Variants in AQR observed in about 807,000 individuals in gnomAD.
AQR encodes RNA helicase aquarius.
A neutral mutation model predicts 180.5 loss-of-function variants in AQR; 61 were observed. The ratio of observed to expected loss-of-function variants is 0.34; its 90% CI spans 0.28 to 0.42. The LOEUF (loss-of-function observed/expected upper bound fraction) is 0.42. Ranked by LOEUF, AQR falls within the 10% of genes least tolerant of loss-of-function variation. The pLI is 1.00. For synonymous variants in AQR, 551 were observed against 588.8 expected (o/e 0.94, Z 0.93); for missense variants, 1,281 against 1,798.3 (o/e 0.71, Z 5.20).
At chr15:34,915,803 G>A (rs574837498) in intron 15 of AQR, among the ~76,000 whole-genome samples, 75 of 152,032 alleles carry the variant, frequency 4.9e-4, no homozygotes, top group African/African-American at 1.7e-3. Flanking sequence ...AATATTAGCT[G>A]GGTGTCATGG....
intron 9 of AQR, among the ~76,000 whole-genome samples, chr15:34,935,926 T>C (rs953502347): frequency 6.6e-6 from 1 of 152,204 alleles, no homozygotes; most frequent in Non-Finnish European, 1.5e-5. Context: ...TTTCCCAAAC[T>C]AAAAGAGTGA....
At chr15:34,945,393 C>A (rs1407071573) in intron 5 of AQR, among the ~76,000 whole-genome samples, 1 of 152,136 alleles carries the variant, frequency 6.6e-6, no homozygotes, top group Admixed American at 6.6e-5. Flanking sequence ...GAAAATAACA[C>A]CCTTTCCTAA....
At chr15:34,889,953 G>C (rs1220642262) in intron 24 of AQR, among the ~76,000 whole-genome samples, 1 of 152,040 alleles carries the variant, frequency 6.6e-6, no homozygotes, top group Non-Finnish European at 1.5e-5. Flanking sequence ...AAAGCAAAAG[G>C]CAATCTGTTA....
Position 34,856,881 on chromosome 15 carries a change from T to C in AQR, c.4369A>G (p.Thr1457Ala). The C allele has an allele frequency of 6.2e-7, 1 of 1,613,816 alleles. No homozygotes were observed. Among genetic ancestry groups the C allele is most frequent in the South Asian group, 1.1e-5 (1 of 91,022 alleles). ...TPEAIPALSE[T>A]TPTVVGAVSA... Reference sequence around the variant, plus strand: ...ACAGCTCCTACCACAGTAGGGGTGGTCTCAGATAAAGCAGGGATGGCTTCT... The same window carrying C: ...ACAGCTCCTACCACAGTAGGGGTGGCCTCAGATAAAGCAGGGATGGCTTCT... The change falls in exon 35 of 35, where the codon ACC becomes GCC. Residue 1457 changes from threonine to alanine, a missense_variant. Thr to Ala is a moderately conservative substitution (Grantham distance 58). Coordinates refer to ENST00000156471, the MANE Select transcript of AQR (RefSeq NM_014691.3).
Position 34,920,229 on chromosome 15 carries a change from A to G in AQR, c.1221+103T>C. The G allele has an allele frequency of 1.5e-5, 11 of 726,462 alleles. No homozygotes were observed. The South Asian group carries it at 2.1e-4, about 14-fold the overall frequency. The allele number at this position is 726,462 out of a possible 1,614,324, so 45.0% of individuals were successfully genotyped here. A position where few individuals can be genotyped will look rare whatever the true frequency, so the allele number is the denominator to read the frequency against. ...AAAACAAAATGGGAATTATCTGCCT[A>G]ATCTTTGGCCCACAAAAAAATCTAT... On this transcript the variant is annotated intron_variant, in intron 14 of 34. Coordinates refer to ENST00000156471, the MANE Select transcript of AQR (RefSeq NM_014691.3).
intron 19 of AQR, among the ~76,000 whole-genome samples, chr15:34,904,130 C>A (rs185033012): frequency 2.6e-5 from 4 of 151,782 alleles, no homozygotes; most frequent in African/African-American, 9.7e-5. Flanking sequence ...CCTCAAAAGA[C>A]AAAATAGATT....
chr15:34,923,640 T>C (rs1056244333), intron 13 of AQR, among the ~76,000 whole-genome samples: 2 of 152,214 alleles, frequency 1.3e-5, no homozygotes, highest in Non-Finnish European at 2.9e-5. Flanking sequence ...ATGTTCATAC[T>C]TTGCATATAG....
intron 5 of AQR, among the ~76,000 whole-genome samples, chr15:34,944,844 T>C (rs1463349199): frequency 6.6e-6 from 1 of 152,230 alleles, no homozygotes; most frequent in African/African-American, 2.4e-5. Context: ...CTGCTTTATA[T>C]TAGCTCTTTA....
At chr15:34,868,913 C>T (rs1892776490) in intron 31 of AQR, 2 of 152,040 alleles carry the variant, frequency 1.3e-5, no homozygotes, top group African/African-American at 4.8e-5. Context: ...AAAAGTTGGC[C>T]TGTTTCTAGT....
Position 34,900,630 on chromosome 15 carries a change from G to T in AQR, c.2235C>A (p.Pro745=), listed in dbSNP as rs764929428. The change falls in exon 20 of 35, where the codon CCC becomes CCA. Residue 745 remains proline (P), a synonymous_variant. Transcript: ENST00000156471. ...CCCAGTTCTGACTTTACCTGAAAGG[G>T]GGTATTTGTAGAGCAGGGTCTTCTA... is the stretch of plus-strand genomic sequence containing the variant. ...VTVEDPALQI[P]PFRITFPVRS... The T allele has an allele frequency of 2.5e-6, 4 of 1,613,638 alleles. No homozygotes were observed. In the Admixed American group the frequency reaches 6.7e-5, roughly 27 times the overall value.
At chr15:34,941,130 C>A in intron 7 of AQR, 131 bp from the exon 8 acceptor site, 1 of 525,294 alleles carries the variant, frequency 1.9e-6, no homozygotes, top group Non-Finnish European at 3.3e-6. Context: ...CTGAAAATAA[C>A]ATGACAAACC....
chr15:34,864,862 T>C lies in AQR; in HGVS notation c.3855-1821A>G, dbSNP rs551987659. On this transcript the variant is annotated intron_variant, in intron 32 of 34. Transcript: ENST00000156471. ...ACTACAAATTTTCTGCAGATTCAAA[T>C]GTAGGTATCTTCCAAGGATATATTA... Among the ~76,000 whole-genome samples the C allele has an allele frequency of 1.2e-4, 19 of 152,284 alleles. No individual in the cohort carries two copies. The East Asian group carries it at 2.3e-3, about 19-fold the overall frequency.
At chr15:34,956,243 TC>T (rs1171044833) in intron 3 of AQR, among the ~76,000 whole-genome samples, 1 of 152,132 alleles carries the variant, frequency 6.6e-6, no homozygotes, top group Non-Finnish European at 1.5e-5. Flanking sequence ...ACTCTGTAAA[TC>T]ACCCTTTTTG....
At chr15:34,946,546 C>T (rs112663646) in intron 5 of AQR, among the ~76,000 whole-genome samples, 4 of 128,038 alleles carry the variant, frequency 3.1e-5, no homozygotes, top group African/African-American at 1.1e-4. Context: ...GTCAGCCCCC[C>T]GCCTGGCCAG....
rs368070941 is a variant in AQR at position 34,964,267 on chromosome 15, G to A, written c.99C>T (p.Pro33=). Residue 33 remains proline (P), a synonymous_variant, in exon 2 of 35, where the codon CCC becomes CCT. Transcript: ENST00000156471. The stretch of plus-strand genomic sequence containing the variant: ...CAAAAGGTGATTTCTTCTTGATGTG[G>A]GGAGCCCAGTATTTACATGCTAACT... The part of the protein sequence containing the change: ...VTQLACKYWA[P]HIKKKSPFDI... The A allele has an allele frequency of 2.8e-5, 45 of 1,608,256 alleles. No homozygotes were observed. Among genetic ancestry groups the A allele is most frequent in the Non-Finnish European group, 3.6e-5 (42 of 1,176,192 alleles).
Position 34,897,715 on chromosome 15 carries a change from C to G in AQR, c.2244-10G>C. ...TACTGGAAAAGTTATCCTACAAGACCAAAACTTCTGTTCATTTTTGCAATT... is the reference window on the plus strand; with the variant it reads ...TACTGGAAAAGTTATCCTACAAGACGAAAACTTCTGTTCATTTTTGCAATT... On this transcript the variant is annotated splice_polypyrimidine_tract_variant and intron_variant, in intron 20 of 34. Coordinates refer to ENST00000156471, the MANE Select transcript of AQR (RefSeq NM_014691.3). The G allele has an allele frequency of 6.2e-7, 1 of 1,613,156 alleles. No homozygotes were observed. Among genetic ancestry groups the G allele is most frequent in the Non-Finnish European group, 8.5e-7 (1 of 1,179,712 alleles).
At chr15:34,921,835 G>A (rs756695434) in intron 13 of AQR, among the ~76,000 whole-genome samples, 9 of 151,860 alleles carry the variant, frequency 5.9e-5, no homozygotes, top group African/African-American at 1.9e-4. Context: ...TTTTTGAGAC[G>A]AGTCTCACTC....
intron 8 of AQR, among the ~76,000 whole-genome samples, chr15:34,939,921 G>C (rs1489004379): frequency 6.6e-6 from 1 of 152,112 alleles, no homozygotes. Flanking sequence ...AAGTCATACA[G>C]CAATTGAGTG....
chr15:34,895,546 G>A (rs1482357570), intron 22 of AQR, among the ~76,000 whole-genome samples: 2 of 152,006 alleles, frequency 1.3e-5, no homozygotes, highest in East Asian at 3.9e-4. Context: ...GAAAGCTGCA[G>A]TAACGATATT....
Sources: gnomAD v4.1 joint callset for allele counts (sites outside exome capture counted in the v4.1 genomes callset) on GRCh38, gnomAD v4.1.1 for gene constraint, MANE v1.5 for transcripts, NCBI Gene and HGNC (gene_info 2026-07-23, HGNC 2026-07-21) for gene names.